The following TENM2 variants were observed in gnomAD, a reference collection of about 807,000 sequenced individuals.
TENM2 encodes the protein teneurin transmembrane protein 2, also known as teneurin-2.
TENM2 carries 52 observed loss-of-function variants against 245.2 expected under a neutral mutation model. The ratio of observed to expected loss-of-function variants is 0.21; its 90% confidence interval spans 0.17 to 0.27. TENM2 has a LOEUF of 0.27. TENM2 is among the 10% of genes least tolerant of loss of function. TENM2 has a pLI of 1.00. For synonymous variants in TENM2, 1,363 were observed against 1,438.9 expected (o/e 0.95, Z 1.19); for missense variants, 3,046 against 3,666.8 (o/e 0.83, Z 4.37).
the TENM2 span, among the ~76,000 whole-genome samples, chr5:167,023,294 A>G: frequency 0.064 from 9,772 of 152,244 alleles, 996 homozygotes; most frequent in African/African-American, 0.22. Flanking sequence ...AATGAAATGG[A>G]GGGTATTAAC....
chr5:167,933,243 T>A (rs1778424762), intron 3 of TENM2, among the ~76,000 whole-genome samples: 1 of 152,228 alleles, frequency 6.6e-6, no homozygotes. Context: ...TTCAGCTAGG[T>A]GTTTGTTTGT....
chr5:168,141,685 T>C (rs1161008680), intron 12 of TENM2, among the ~76,000 whole-genome samples: 6 of 152,354 alleles, frequency 3.9e-5, no homozygotes, highest in Non-Finnish European at 8.8e-5. Context: ...GGTATATAGA[T>C]TTAAAAAGCC....
chr5:167,507,476 C>G lies in TENM2; in HGVS notation c.502+132003C>G, dbSNP rs141884153. The stretch of plus-strand genomic sequence containing the variant: ...TATATCTTTTATATAAAATTTCCAA[C>G]TTCTAAAAAAATTAGGACACAGATT... On this transcript the variant is annotated intron_variant, in intron 2 of 28. Transcript: ENST00000518659. Among the ~76,000 whole-genome samples the G allele has an allele frequency of 5.7e-3, 868 of 152,222 alleles. 18 individuals are homozygous for G. The highest frequency in any genetic ancestry group is 2.4e-3 in the Non-Finnish European group (166 of 68,016).
At chr5:168,056,416 A>G (rs1789547029) in intron 6 of TENM2, among the ~76,000 whole-genome samples, 1 of 152,204 alleles carries the variant, frequency 6.6e-6, no homozygotes, top group Non-Finnish European at 1.5e-5. Context: ...TATCATGAAT[A>G]TTTCTCTAAC....
At chr5:167,611,666 GT>G (rs1201198305) in intron 2 of TENM2, among the ~76,000 whole-genome samples, 2 of 152,144 alleles carry the variant, frequency 1.3e-5, no homozygotes, top group African/African-American at 4.8e-5. Context: ...AACAACAGAT[GT>G]TTGTTTTTCA....
chr5:167,146,831 A>ATT, the TENM2 span, among the ~76,000 whole-genome samples: 1 of 152,086 alleles, frequency 6.6e-6, no homozygotes, highest in South Asian at 2.1e-4. Flanking sequence ...CCTAAAATAA[A>ATT]TTTTCTTGGG....
At chr5:167,458,254 A>AACCCGG (rs1433339513) in intron 2 of TENM2, among the ~76,000 whole-genome samples, 2 of 151,872 alleles carry the variant, frequency 1.3e-5, no homozygotes, top group Non-Finnish European at 2.9e-5. Context: ...TGGGAGGCCG[A>AACCCGG]GACAGGTGGA....
Position 167,627,043 on chromosome 5 carries a change from C to T in TENM2, c.503-248943C>T, listed in dbSNP as rs77559147. Among the ~76,000 whole-genome samples, 997 of 152,218 alleles carry T rather than the reference C, an allele frequency of 6.5e-3. 8 individuals are homozygous for T. The highest frequency in any genetic ancestry group is 0.016 in the South Asian group (78 of 4,822). On this transcript the variant is annotated intron_variant, in intron 2 of 28. Coordinates refer to ENST00000518659, the Ensembl canonical transcript of TENM2. ...ACATGAGGGCTTGGAAAGGAAATGT[C>T]TTCATTGATTTTTATTTCATGAATT...
At chr5:168,165,102 C>G (rs1758099521) in intron 13 of TENM2, 1 of 152,214 alleles carries the variant, frequency 6.6e-6, no homozygotes. Flanking sequence ...TGTACATACA[C>G]TGATAGGAGT....
At chr5:168,071,045 G>A (rs550123044) in intron 7 of TENM2, among the ~76,000 whole-genome samples, 9 of 152,140 alleles carry the variant, frequency 5.9e-5, no homozygotes, top group Non-Finnish European at 1.3e-4. Context: ...AACAGCTGGA[G>A]AGCCTGGGCA....
At chr5:167,725,924 C>T (rs1050919865) in intron 2 of TENM2, among the ~76,000 whole-genome samples, 1 of 152,162 alleles carries the variant, frequency 6.6e-6, no homozygotes, top group Non-Finnish European at 1.5e-5. Flanking sequence ...CGCTTCAGCC[C>T]TCTCCCAAGG....
At chr5:167,708,991 C>G (rs1221012087) in intron 2 of TENM2, among the ~76,000 whole-genome samples, 2 of 152,094 alleles carry the variant, frequency 1.3e-5, no homozygotes, top group African/African-American at 2.4e-5. Context: ...CACTTCCCTC[C>G]CCTCTGCATA....
intron 2 of TENM2, among the ~76,000 whole-genome samples, chr5:167,872,548 G>GAGAGAGAAAGAA: frequency 1.5e-5 from 1 of 65,438 alleles, no homozygotes; most frequent in Non-Finnish European, 4.0e-5. Flanking sequence ...AAGAAAGAAA[G>GAGAGAGAAAGAA]AGAAAGAAAG....
chr5:167,755,322 T>A, intron 2 of TENM2: 1 of 635,026 alleles, frequency 1.6e-6, no homozygotes, highest in Non-Finnish European at 2.7e-6. Flanking sequence ...ACGGTGAAAC[T>A]ATTTGATTTC....
At chr5:167,004,743 T>C in the TENM2 span, among the ~76,000 whole-genome samples, 10 of 152,192 alleles carry the variant, frequency 6.6e-5, no homozygotes, top group African/African-American at 2.4e-4. Flanking sequence ...GCAGCGTGTG[T>C]GCGTTTTAGG....
chr5:167,499,850 G>GTGTA lies in TENM2; in HGVS notation c.502+124380_502+124381insATGT, dbSNP rs1234260743. ...TGCATGTGTATGTGAGGGTGTATGT[G>GTGTA]TGTGTGTGCATGTGTATGTGAGGGT... On this transcript the variant is annotated intron_variant, in intron 2 of 28. Coordinates refer to ENST00000518659, the Ensembl canonical transcript of TENM2. Among the ~76,000 whole-genome samples the GTGTA allele has an allele frequency of 1.9e-3, 293 of 150,856 alleles. 3 individuals are homozygous for GTGTA. The highest frequency in any genetic ancestry group is 6.6e-3 in the African/African-American group (272 of 40,958).
chr5:167,277,285 A>G, the TENM2 span, among the ~76,000 whole-genome samples: 1 of 152,088 alleles, frequency 6.6e-6, no homozygotes, highest in Non-Finnish European at 1.5e-5. Flanking sequence ...CTTTAACTGT[A>G]TCCTGCAAAT....
At position 168,041,319 on chromosome 5, in the gene TENM2, G is replaced by A. The variant is rs1032886834; in HGVS notation, c.1187-6108G>A. On this transcript the variant is annotated intron_variant, in intron 5 of 28. Coordinates refer to ENST00000518659, the Ensembl canonical transcript of TENM2. ...CCACCTAATCCAGTGAGAATGAAGG[G>A]GAAAAAGTAAACGTTCATCTTCTTC... 6.6e-5 allele frequency among the ~76,000 whole-genome samples: 10 copies of A among 152,098 alleles called. No individual in the cohort carries two copies. The East Asian group carries it at 1.9e-3, about 29-fold the overall frequency.
At chr5:167,491,373 T>G (rs1768417547) in intron 2 of TENM2, among the ~76,000 whole-genome samples, 1 of 151,974 alleles carries the variant, frequency 6.6e-6, no homozygotes, top group African/African-American at 2.4e-5. Context: ...CCCTATGATA[T>G]CCAGTTAATT....
Sources: gnomAD v4.1 joint callset for allele counts (sites outside exome capture counted in the v4.1 genomes callset) on GRCh38, gnomAD v4.1.1 for gene constraint, MANE v1.5 for transcripts, NCBI Gene and HGNC (gene_info 2026-07-23, HGNC 2026-07-21) for gene names.